Variants in TNIP3 observed in about 807,000 individuals in gnomAD.
TNIP3 encodes TNFAIP3 interacting protein 3.
In TNIP3, 34 loss-of-function variants were observed where a neutral mutation model predicts 54.1. The ratio of observed to expected loss-of-function variants is 0.63; its 90% CI spans 0.48 to 0.84. The LOEUF is 0.84. TNIP3 is among the 40% of genes least tolerant of loss of function. The pLI, the probability that TNIP3 is intolerant of heterozygous loss-of-function variation, is 0.00. For synonymous variants in TNIP3, 134 were observed against 136.8 expected (o/e 0.98, Z 0.14); for missense variants, 366 against 387.6 (o/e 0.94, Z 0.47).
intron 9 of TNIP3, among the ~76,000 whole-genome samples, chr4:121,140,325 T>A (rs1183646844): frequency 6.6e-6 from 1 of 151,676 alleles, no homozygotes; most frequent in Admixed American, 6.6e-5. Context: ...CAGAGCGAGA[T>A]GCCTTCTCAA....
chr4:121,181,496 G>A (rs1026411170), intron 3 of TNIP3, among the ~76,000 whole-genome samples: 4 of 152,200 alleles, frequency 2.6e-5, no homozygotes, highest in African/African-American at 9.7e-5. Context: ...TCAGGAAGAA[G>A]TGAGTTTTTA....
At chr4:121,140,263 G>A (rs1475775683) in intron 9 of TNIP3, among the ~76,000 whole-genome samples, 2 of 152,080 alleles carry the variant, frequency 1.3e-5, no homozygotes, top group African/African-American at 4.8e-5. Context: ...GAACCCAGGA[G>A]GTACAGGTTG....
intron 1 of TNIP3, among the ~76,000 whole-genome samples, chr4:121,222,845 A>C (rs1179884625): frequency 8.5e-6 from 1 of 118,020 alleles, no homozygotes; most frequent in African/African-American, 3.3e-5. Flanking sequence ...TCGCTCTGTC[A>C]CCCAGGCTAG....
chr4:121,162,141 T>C (rs1730491788), intron 1 of TNIP3, among the ~76,000 whole-genome samples: 1 of 152,238 alleles, frequency 6.6e-6, no homozygotes, highest in Admixed American at 6.5e-5. Context: ...CAAAACATGT[T>C]GTTGGTCTTT....
chr4:121,193,716 CT>C (rs1466234781), intron 2 of TNIP3, among the ~76,000 whole-genome samples: 1 of 152,032 alleles, frequency 6.6e-6, no homozygotes, highest in Non-Finnish European at 1.5e-5. Flanking sequence ...ATTGGGGAAT[CT>C]TGGCAGGTAC....
intron 2 of TNIP3, among the ~76,000 whole-genome samples, chr4:121,212,801 T>C (rs371438770): frequency 2.6e-5 from 4 of 152,166 alleles, no homozygotes; most frequent in South Asian, 4.2e-4. Flanking sequence ...CTTTCCAGAA[T>C]AGTTTAATTT....
upstream of TNIP3, among the ~76,000 whole-genome samples, chr4:121,220,505 C>G (rs1180964533): frequency 3.3e-5 from 5 of 151,978 alleles, no homozygotes; most frequent in Admixed American, 1.3e-4. Context: ...TTTGTATTTG[C>G]CCTCACCATC....
intron 3 of TNIP3, among the ~76,000 whole-genome samples, chr4:121,180,355 G>A (rs1160859128): frequency 8.6e-5 from 13 of 151,944 alleles, no homozygotes; most frequent in Non-Finnish European, 1.8e-4. Context: ...AGCCGAGATC[G>A]CACCACTGCA....
At chr4:121,194,298 A>C (rs892909876) in intron 2 of TNIP3, among the ~76,000 whole-genome samples, 6 of 152,156 alleles carry the variant, frequency 3.9e-5, no homozygotes, top group Non-Finnish European at 5.9e-5. Context: ...CGTCTTAAAA[A>C]TTTTTTGATA....
chr4:121,140,857 A>C (rs1021625070), intron 9 of TNIP3, among the ~76,000 whole-genome samples: 3 of 152,224 alleles, frequency 2.0e-5, no homozygotes, highest in African/African-American at 4.8e-5. Context: ...GCTGTGTCAT[A>C]CCAGGGTCAA....
chr4:121,141,978 G>T (rs561204670), intron 8 of TNIP3, 64 bp from the exon 9 acceptor site: 5 of 1,141,510 alleles, frequency 4.4e-6, no homozygotes, highest in Non-Finnish European at 6.2e-6. Flanking sequence ...CAGTGACATT[G>T]CTTTATACAA....
intron 1 of TNIP3, among the ~76,000 whole-genome samples, chr4:121,222,648 A>C (rs958016823): frequency 6.6e-6 from 1 of 152,172 alleles, no homozygotes; most frequent in Non-Finnish European, 1.5e-5. Context: ...ATGTGAGAGA[A>C]TTTAAATTTT....
chr4:121,135,088 C>T (rs748091985), intron 10 of TNIP3, among the ~76,000 whole-genome samples: 9 of 152,156 alleles, frequency 5.9e-5, no homozygotes, highest in Non-Finnish European at 1.3e-4. Flanking sequence ...GTCGAGGGTC[C>T]CAGGCAGGAG....
intron 2 of TNIP3, among the ~76,000 whole-genome samples, chr4:121,202,489 T>C (rs1195093932): frequency 6.6e-6 from 1 of 152,008 alleles, no homozygotes; most frequent in Non-Finnish European, 1.5e-5. Context: ...AAAACCTTTC[T>C]AGACATTGGC....
At chr4:121,135,258 G>T (rs1343779780) in intron 10 of TNIP3, among the ~76,000 whole-genome samples, 1 of 152,216 alleles carries the variant, frequency 6.6e-6, no homozygotes, top group Non-Finnish European at 1.5e-5. Context: ...GATTTACACA[G>T]ATAGGATGTA....
upstream of TNIP3, among the ~76,000 whole-genome samples, chr4:121,167,287 C>G (rs1338987191): frequency 6.6e-6 from 1 of 151,898 alleles, no homozygotes; most frequent in Non-Finnish European, 1.5e-5. Context: ...ATTTGAAAAA[C>G]TAAACAGTAA....
chr4:121,152,206 T>A (rs1729803495), intron 5 of TNIP3, among the ~76,000 whole-genome samples: 1 of 152,202 alleles, frequency 6.6e-6, no homozygotes, highest in Non-Finnish European at 1.5e-5. Context: ...CATGCTGTGA[T>A]GGATGGTGTG....
chr4:121,165,241 T>C (rs1198897884), upstream of TNIP3, among the ~76,000 whole-genome samples: 1 of 151,632 alleles, frequency 6.6e-6, no homozygotes, highest in Non-Finnish European at 1.5e-5. Context: ...GGCCCTCCCA[T>C]TTCTCCTGAA....
chr4:121,184,542 C>A (rs1056508628), intron 2 of TNIP3, among the ~76,000 whole-genome samples: 13 of 152,146 alleles, frequency 8.5e-5, no homozygotes, highest in Admixed American at 6.5e-4. Context: ...TGGAGAGAGT[C>A]CTGACAATTT....
Sources: allele counts gnomAD v4.1 joint callset (sites outside exome capture counted in the v4.1 genomes callset), GRCh38; gene constraint gnomAD v4.1.1; transcripts MANE v1.5; gene names NCBI Gene and HGNC (gene_info 2026-07-23, HGNC 2026-07-21).